OPA3: variants seen among roughly 807,000 people sequenced by gnomAD.
The protein encoded by OPA3 is outer mitochondrial membrane lipid metabolism regulator OPA3.
In OPA3, 6 loss-of-function variants were observed where a neutral mutation model predicts 4.0. The observed-to-expected ratio is 1.51, with a 90% confidence interval of 0.83 to 2.99. The LOEUF (loss-of-function observed/expected upper bound fraction) is 2.99, where lower values mean the gene tolerates loss of function less well. Among genes scored for constraint, OPA3 ranks in the 30% most tolerant of loss-of-function variants. The pLI is 0.00. For synonymous variants in OPA3, 105 were observed against 117.1 expected (o/e 0.90, Z 0.67); for missense variants, 235 against 256.2 (o/e 0.92, Z 0.56).
At chr19:45,530,439 C>A (rs1173409510) in intron 1 of OPA3, among the ~76,000 whole-genome samples, 5 of 151,604 alleles carry the variant, frequency 3.3e-5, no homozygotes, top group Non-Finnish European at 7.4e-5. Context: ...CATATTCTAT[C>A]TCCTTCCCTC....
chr19:45,541,603 T>G (rs186978962), downstream of OPA3, among the ~76,000 whole-genome samples: 10 of 152,230 alleles, frequency 6.6e-5, no homozygotes, highest in East Asian at 1.9e-3. Flanking sequence ...CTCAGTCTGT[T>G]AGCCAGGCTG....
chr19:45,546,498 G>C lies in OPA3; in HGVS notation c.*7016C>G. 1 of 586,832 alleles carries C rather than the reference G, an allele frequency of 1.7e-6. No individual in the cohort carries two copies. The highest frequency in any genetic ancestry group is 7.8e-5 in the South Asian group (1 of 12,896). The allele number at this position is 586,832 out of a possible 1,614,324, so 36.4% of individuals were successfully genotyped here. ...GCACACGATGGATTACATAAACTCT[G>C]CTTTTTTTTTTTTTTGAGACAGGGT... On this transcript the variant is annotated 3_prime_UTR_variant, in exon 2 of 2. Coordinates refer to ENST00000263275, the MANE Select transcript of OPA3 (RefSeq NM_025136.4).
At chr19:45,540,093 T>C (rs925739402) in intron 1 of OPA3, among the ~76,000 whole-genome samples, 4 of 151,612 alleles carry the variant, frequency 2.6e-5, no homozygotes, top group Non-Finnish European at 5.9e-5. Context: ...CCGAGGCAGG[T>C]GGATCACGAG....
chr19:45,561,152 G>A (rs1004740939), intron 1 of OPA3, among the ~76,000 whole-genome samples: 2 of 152,110 alleles, frequency 1.3e-5, no homozygotes, highest in African/African-American at 4.8e-5. Flanking sequence ...TGACCAACAT[G>A]GAGAAACCCT....
downstream of OPA3, among the ~76,000 whole-genome samples, chr19:45,545,061 A>G (rs953149364): frequency 6.7e-6 from 1 of 148,176 alleles, no homozygotes; most frequent in Non-Finnish European, 1.5e-5. Flanking sequence ...GCTACTCAGG[A>G]GGCTGAGGCA....
intron 1 of OPA3, among the ~76,000 whole-genome samples, chr19:45,572,392 C>A (rs1170201420): frequency 1.6e-5 from 2 of 121,894 alleles, no homozygotes; most frequent in East Asian, 5.1e-4. Flanking sequence ...TCATATATAT[C>A]AACATATGAG....
intron 1 of OPA3, among the ~76,000 whole-genome samples, chr19:45,567,213 G>T (rs1477010365): frequency 1.3e-5 from 2 of 151,752 alleles, no homozygotes; most frequent in Admixed American, 6.6e-5. Flanking sequence ...GGTGGCATGT[G>T]CCTGTGGTCC....
intron 1 of OPA3, among the ~76,000 whole-genome samples, chr19:45,557,341 C>G (rs1335129752): frequency 1.3e-5 from 2 of 152,136 alleles, no homozygotes; most frequent in Non-Finnish European, 2.9e-5. Flanking sequence ...TCCCTCGGGC[C>G]AGCGGTCAGA....
intron 1 of OPA3, among the ~76,000 whole-genome samples, chr19:45,562,052 AT>A (rs1394483184): frequency 2.0e-5 from 3 of 151,992 alleles, no homozygotes; most frequent in Non-Finnish European, 2.9e-5. Flanking sequence ...ATGTTTAGAA[AT>A]TCTCTTATTA....
At chr19:45,569,510 G>C (rs1969630440) in intron 1 of OPA3, among the ~76,000 whole-genome samples, 1 of 152,016 alleles carries the variant, frequency 6.6e-6, no homozygotes, top group Non-Finnish European at 1.5e-5. Context: ...GATTACCAGT[G>C]CTACTTTATA....
At chr19:45,573,361 G>C (rs537623931) in intron 1 of OPA3, among the ~76,000 whole-genome samples, 2 of 152,178 alleles carry the variant, frequency 1.3e-5, no homozygotes, top group African/African-American at 4.8e-5. Context: ...TGAGACAGGA[G>C]AATCACTTGA....
At chr19:45,576,535 TCC>T (rs56381717) in intron 1 of OPA3, among the ~76,000 whole-genome samples, 32,398 of 107,624 alleles carry the variant, frequency 0.3, 4,476 homozygotes, top group Middle Eastern at 0.41. Flanking sequence ...TGAAACTCCA[TCC>T]CCCCCCCCCC....
intron 1 of OPA3, among the ~76,000 whole-genome samples, chr19:45,555,965 G>C (rs994466044): frequency 1.3e-5 from 2 of 151,954 alleles, no homozygotes; most frequent in African/African-American, 4.8e-5. Flanking sequence ...GACATTGGTA[G>C]GCATCAAATC....
chr19:45,582,374 G>A (rs1453985406), intron 1 of OPA3, among the ~76,000 whole-genome samples: 1 of 151,928 alleles, frequency 6.6e-6, no homozygotes, highest in Non-Finnish European at 1.5e-5. Context: ...TGGCCAGGCT[G>A]GTTGCAAACT....
intron 1 of OPA3, among the ~76,000 whole-genome samples, chr19:45,559,393 C>CTTTTTTTTTTTTTTTTTTTTTTTTTTTT (rs1411300137): frequency 2.0e-5 from 2 of 97,824 alleles, no homozygotes; most frequent in African/African-American, 8.3e-5. Context: ...CCCTCTTTTT[C>CTTTTTTTTTTTTTTTTTTTTTTTTTTTT]TTTCTTTTTT....
chr19:45,559,389 T>C (rs1026944940), intron 1 of OPA3, among the ~76,000 whole-genome samples: 2 of 113,280 alleles, frequency 1.8e-5, no homozygotes, highest in African/African-American at 3.6e-5. Context: ...CTTTCCCTCT[T>C]TTTCTTTCTT....
intron 1 of OPA3, 134 bp downstream of exon 1, chr19:45,584,489 C>A (rs903724679): frequency 1.3e-6 from 2 of 1,499,658 alleles, no homozygotes; most frequent in African/African-American, 1.4e-5. Context: ...CTATCAGAAA[C>A]CCCCCACTAT....
rs1207839567 is a variant in OPA3 at position 45,584,716 on chromosome 19, G to A, written c.49C>T (p.Arg17Trp). The A allele has an allele frequency of 6.2e-6, 10 of 1,614,130 alleles. No individual in the cohort carries two copies. In the East Asian group the frequency reaches 6.7e-5, roughly 11 times the overall value. The change falls in exon 1 of 2, where the codon CGG becomes TGG. Residue 17 changes from arginine (R) to tryptophan (W), a missense_variant. Transcript: ENST00000263275. ...PMAKLLYLGI[R>W]QVSKPLANRI... ...TTGGCAAGCGGCTTGCTGACCTGCC[G>A]GATGCCCAAGTATAGCAGCTTCGCC... is the stretch of plus-strand genomic sequence containing the variant.
chr19:45,527,565 C>A (rs1969006124), exon 2 of OPA3: 1 of 151,948 alleles, frequency 6.6e-6, no homozygotes, highest in African/African-American at 2.4e-5. Context: ...TTTGGTATGA[C>A]GCCTAGCTAA....
Sources: gnomAD v4.1 joint callset for allele counts (sites outside exome capture counted in the v4.1 genomes callset) on GRCh38, gnomAD v4.1.1 for gene constraint, MANE v1.5 for transcripts, NCBI Gene and HGNC (gene_info 2026-07-23, HGNC 2026-07-21) for gene names.